The following CPEB2 variants were observed in gnomAD, a reference collection of about 807,000 sequenced individuals.
The protein encoded by CPEB2 is cytoplasmic polyadenylation element binding protein 2, also known as cytoplasmic polyadenylation element-binding protein 2.
Under a neutral mutation model 93.6 loss-of-function variants are expected in CPEB2, and 56 were observed. That is an observed-to-expected ratio of 0.60 (90% CI 0.48 to 0.75). The LOEUF (loss-of-function observed/expected upper bound fraction) is 0.75, where lower values mean the gene tolerates loss of function less well. Among genes scored for constraint, CPEB2 ranks in the 30% least tolerant of loss-of-function variants. The pLI is 0.00. For synonymous variants in CPEB2, 764 were observed against 586.3 expected (o/e 1.30, Z -4.38); for missense variants, 1,579 against 1,395.1 (o/e 1.13, Z -2.10).
At chr4:15,058,294 A>G (rs997185070) in intron 8 of CPEB2, 127 bp from the exon 9 acceptor site, 2 of 627,804 alleles carry the variant, frequency 3.2e-6, no homozygotes, top group Non-Finnish European at 5.7e-6. Flanking sequence ...TAGAAGGTAA[A>G]TGGTTTTTCA....
At chr4:15,014,389 A>AT (rs35281291) in intron 3 of CPEB2, among the ~76,000 whole-genome samples, 16,226 of 151,970 alleles carry the variant, frequency 0.11, 1,832 homozygotes, top group African/African-American at 0.28. Context: ...CTGCAGAGGG[A>AT]TTTTTTGCTT....
At chr4:15,064,899 G>C (rs1389659465) in intron 11 of CPEB2, among the ~76,000 whole-genome samples, 1 of 151,824 alleles carries the variant, frequency 6.6e-6, no homozygotes, top group African/African-American at 2.4e-5. Context: ...CTGGAAAAAA[G>C]GTTAAAAACT....
At chr4:15,020,141 G>C (rs1438020521) in intron 4 of CPEB2, among the ~76,000 whole-genome samples, 2 of 152,060 alleles carry the variant, frequency 1.3e-5, no homozygotes, top group Non-Finnish European at 2.9e-5. Context: ...CCCCCAAAGT[G>C]AGTGATAAAA....
chr4:15,063,381 C>CGA (rs1729389517), intron 11 of CPEB2, among the ~76,000 whole-genome samples: 1 of 147,788 alleles, frequency 6.8e-6, no homozygotes, highest in Non-Finnish European at 1.5e-5. Flanking sequence ...AAAAAAAAAA[C>CGA]TAAGAGGAGG....
chr4:15,026,333 T>G (rs982614855), intron 4 of CPEB2, among the ~76,000 whole-genome samples: 71 of 152,018 alleles, frequency 4.7e-4, no homozygotes, highest in African/African-American at 1.6e-3. Context: ...TTCAAGCGAT[T>G]GTCCTGCCTC....
In CPEB2 at chr4:15,067,448, ATATAG is replaced by A. The variant is rs1163473205; in HGVS notation, c.*1074_*1078del. On this transcript the variant is annotated 3_prime_UTR_variant, in exon 12 of 12. Coordinates refer to ENST00000538197, the MANE Select transcript of CPEB2 (RefSeq NM_001177382.2). ...GTGCGGTTCTAATTCATGTGCAGTG[ATATAG>A]TATAGATAAAAGAATGAGTAAAAGA... 2 of 152,468 alleles carry A rather than the reference ATATAG, an allele frequency of 1.3e-5. No individual in the cohort carries two copies. The highest frequency in any genetic ancestry group is 2.4e-5 in the African/African-American group (1 of 41,420). The allele number at this position is 152,468 out of a possible 1,614,324, so 9.4% of individuals were successfully genotyped here.
chr4:15,058,388 G>T, intron 8 of CPEB2, 33 bp from the exon 9 acceptor site: 2 of 1,261,358 alleles, frequency 1.6e-6, no homozygotes, highest in South Asian at 1.3e-5. Flanking sequence ...CACTTGGCTT[G>T]ACATATTGCC....
chr4:15,053,251 C>A (rs1370507004), intron 7 of CPEB2, among the ~76,000 whole-genome samples: 1 of 152,032 alleles, frequency 6.6e-6, no homozygotes, highest in Non-Finnish European at 1.5e-5. Context: ...CTCCTGACCT[C>A]ATGATCCGCC....
chr4:15,033,069 T>C (rs1726281144), intron 4 of CPEB2, 92 bp from the exon 5 acceptor site: 1 of 820,136 alleles, frequency 1.2e-6, no homozygotes, highest in Non-Finnish European at 2.0e-6. Context: ...ATTTTCTCTT[T>C]ATGCTGCCTT....
Position 15,003,551 on chromosome 4 carries a change from C to G in CPEB2, c.878C>G (p.Ala293Gly). Residue 293 changes from alanine to glycine, a missense_variant, in exon 1 of 12, where the codon GCC (alanine) becomes GGC (glycine). This residue lies in a region of CPEB2 where 1,411 missense variants were observed against 1,056.0 expected (regional missense o/e 1.34). Coordinates refer to ENST00000538197, the MANE Select transcript of CPEB2 (RefSeq NM_001177382.2). ...ACCCCAGCCGCGGGCGAGGGCAGCGCCGCCGAGTCCCCCAATGCGGGCTTG... is the reference window on the plus strand; with the variant it reads ...ACCCCAGCCGCGGGCGAGGGCAGCGGCGCCGAGTCCCCCAATGCGGGCTTG... ...RKTPAAGEGS[A>G]AESPNAGLAS... 6.9e-7 allele frequency: 1 copy of G among 1,455,960 alleles called. No homozygotes were observed. The highest frequency in any genetic ancestry group is 9.0e-7 in the Non-Finnish European group (1 of 1,106,626). 90.2% of individuals were successfully genotyped at this position (1,455,960 alleles called of 1,614,324 possible).
At chr4:15,017,068 C>G in intron 3 of CPEB2, 120 bp from the exon 4 acceptor site, 1 of 619,678 alleles carries the variant, frequency 1.6e-6, no homozygotes, top group Non-Finnish European at 2.9e-6. Flanking sequence ...TTGTGGGATA[C>G]AGATTAATTA....
chr4:15,016,209 A>G (rs558636340), intron 3 of CPEB2, among the ~76,000 whole-genome samples: 82 of 152,090 alleles, frequency 5.4e-4, no homozygotes, highest in African/African-American at 1.9e-3. Context: ...TCCCCCACGT[A>G]TACATAAGCT....
chr4:15,027,768 C>G (rs919875645), intron 4 of CPEB2, among the ~76,000 whole-genome samples: 1 of 152,012 alleles, frequency 6.6e-6, no homozygotes, highest in Non-Finnish European at 1.5e-5. Flanking sequence ...ATATAACATA[C>G]CATACATATC....
At chr4:15,005,629 C>A (rs1298374475) in intron 1 of CPEB2, among the ~76,000 whole-genome samples, 1 of 152,146 alleles carries the variant, frequency 6.6e-6, no homozygotes, top group Non-Finnish European at 1.5e-5. Flanking sequence ...AACCCCATAA[C>A]TTTTTCAGTT....
At chr4:15,064,734 A>C (rs1729535414) in intron 11 of CPEB2, among the ~76,000 whole-genome samples, 1 of 152,152 alleles carries the variant, frequency 6.6e-6, no homozygotes, top group Admixed American at 6.6e-5. Context: ...CCCAGTGTTC[A>C]TGGAGTTTAT....
chr4:15,003,158 C>A lies in CPEB2; in HGVS notation c.485C>A (p.Ser162Tyr), dbSNP rs774732907. 1.3e-6 allele frequency: 2 copies of A among 1,534,528 alleles called. No homozygotes were observed. The highest frequency in any genetic ancestry group is 1.2e-5 in the South Asian group (1 of 83,998). The change falls in exon 1 of 12, where the codon TCC becomes TAC. Residue 162 changes from serine (S) to tyrosine (Y), a missense_variant. Ser to Tyr is a moderately radical substitution (Grantham distance 144, BLOSUM62 -2). Coordinates refer to ENST00000538197, the MANE Select transcript of CPEB2 (RefSeq NM_001177382.2). ...ASSCCCCRTS[S>Y]PQDFSKRQQQ... ...TCCTGCTGCTGCTGCCGCACCTCCTCCCCGCAGGACTTCAGTAAGCGGCAG... is the reference window on the plus strand; with the variant it reads ...TCCTGCTGCTGCTGCCGCACCTCCTACCCGCAGGACTTCAGTAAGCGGCAG...
intron 3 of CPEB2, among the ~76,000 whole-genome samples, chr4:15,014,371 T>C (rs766856906): frequency 4.7e-5 from 7 of 150,194 alleles, no homozygotes; most frequent in Non-Finnish European, 8.8e-5. Context: ...CTTCATGATA[T>C]GGCACACCTG....
Position 15,003,328 on chromosome 4 carries a change from C to A in CPEB2, c.655C>A (p.Leu219Ile). 7.1e-7 allele frequency: 1 copy of A among 1,411,380 alleles called. No individual in the cohort carries two copies. The highest frequency in any genetic ancestry group is 9.1e-7 in the Non-Finnish European group (1 of 1,096,652). The allele number at this position is 1,411,380 out of a possible 1,614,324, so 87.4% of individuals were successfully genotyped here. Residue 219 changes from leucine to isoleucine, a missense_variant, in exon 1 of 12, where the codon CTC becomes ATC. Physicochemically the swap from Leu to Ile is conservative, Grantham distance 5. This residue lies in a region of CPEB2 where 1,411 missense variants were observed against 1,056.0 expected (regional missense o/e 1.34). Coordinates refer to ENST00000538197, the MANE Select transcript of CPEB2 (RefSeq NM_001177382.2). ...SPPPPPAGPL[L>I]QPAQLAQRQQ... ...GCCGCCGCCGCCAGCCGGCCCGCTC[C>A]TCCAGCCGGCGCAGCTCGCTCAGCG...
At chr4:15,029,242 A>G (rs1725827096) in intron 4 of CPEB2, among the ~76,000 whole-genome samples, 1 of 151,896 alleles carries the variant, frequency 6.6e-6, no homozygotes, top group Non-Finnish European at 1.5e-5. Flanking sequence ...TTTTTTCCTG[A>G]GTATTTTTGA....
Sources: allele counts gnomAD v4.1 joint callset (sites outside exome capture counted in the v4.1 genomes callset), GRCh38; gene constraint gnomAD v4.1.1; regional missense constraint gnomAD v4.1.1; transcripts MANE v1.5; gene names NCBI Gene and HGNC (gene_info 2026-07-23, HGNC 2026-07-21).